MYO7A: variants seen among roughly 807,000 people sequenced by gnomAD.
MYO7A encodes the protein myosin VIIA.
In MYO7A, 210 loss-of-function variants were observed where a neutral mutation model predicts 263.8. The ratio of observed to expected loss-of-function variants is 0.80; its 90% CI spans 0.71 to 0.89. MYO7A has a LOEUF of 0.89. MYO7A is among the 40% of genes least tolerant of loss of function. The pLI is 0.00. For synonymous variants in MYO7A, 1,239 were observed against 1,197.3 expected (o/e 1.03, Z -0.72); for missense variants, 2,820 against 2,968.3 (o/e 0.95, Z 1.16).
intron 41 of MYO7A, 57 bp from the exon 42 acceptor site, chr11:77,207,232 G>A (rs1222291345): frequency 7.7e-7 from 1 of 1,304,742 alleles, no homozygotes; most frequent in Non-Finnish European, 1.1e-6. Flanking sequence ...AGGGGCCCGG[G>A]AGGACCAGGT....
intron 15 of MYO7A, among the ~76,000 whole-genome samples, chr11:77,166,961 G>C (rs1953606329): frequency 6.6e-6 from 1 of 152,114 alleles, no homozygotes; most frequent in Non-Finnish European, 1.5e-5. Flanking sequence ...TATTCATCGG[G>C]TACTCTGCGC....
rs1203556727 is a variant in MYO7A at position 77,198,496 on chromosome 11, C to T, written c.4443C>T (p.Gly1481=). 3 of 1,613,434 alleles carry T rather than the reference C, an allele frequency of 1.9e-6. No individual in the cohort carries two copies. The highest frequency in any genetic ancestry group is 2.2e-5 in the East Asian group (1 of 44,898). Residue 1481 remains glycine, a splice_region_variant and synonymous_variant, in exon 34 of 49, where the codon GGC becomes GGT. Coordinates refer to ENST00000409709, the MANE Select transcript of MYO7A (RefSeq NM_000260.4). ...CTCAGTGCCTTGGTCTCGTCCCAGG[C>T]CCCAGTCTCCCCAAGAACGACGTCA... ...SRFYEAYKFS[G]PSLPKNDVIV... is the part of the protein sequence containing the mutation.
intron 44 of MYO7A, 139 bp from the exon 45 acceptor site, chr11:77,211,013 C>T: frequency 1.3e-6 from 1 of 746,928 alleles, no homozygotes; most frequent in Non-Finnish European, 2.1e-6. Flanking sequence ...GGAGCAGTGT[C>T]AGCTGAGGCT....
intron 4 of MYO7A, among the ~76,000 whole-genome samples, chr11:77,151,431 T>C (rs1555057102): frequency 6.6e-6 from 1 of 152,162 alleles, no homozygotes; most frequent in Admixed American, 6.5e-5. Flanking sequence ...GGATGTGTTC[T>C]TGGTCTCCAT....
intron 3 of MYO7A, among the ~76,000 whole-genome samples, chr11:77,145,251 GCA>G (rs1163022720): frequency 6.6e-6 from 1 of 152,214 alleles, no homozygotes; most frequent in African/African-American, 2.4e-5. Context: ...CCAAGCAGCA[GCA>G]CTCTACAGAC....
rs367582237 is a variant in MYO7A, at chr11:77,162,181, G to A, written c.1405G>A (p.Val469Met). ...EHLQQFFVRH[V>M]FKLEQEEYDL... ...CCTGCAGCAGTTCTTTGTGCGGCACGTGTTCAAGCTGGAGCAGGAGGAATA... is the reference window on the plus strand; with the variant it reads ...CCTGCAGCAGTTCTTTGTGCGGCACATGTTCAAGCTGGAGCAGGAGGAATA... The change falls in exon 13 of 49, where the codon GTG (valine) becomes ATG (methionine). Residue 469 changes from valine (V) to methionine (M), a missense_variant. Physicochemically the swap from Val to Met is conservative, Grantham distance 21. Coordinates refer to ENST00000409709, the MANE Select transcript of MYO7A (RefSeq NM_000260.4). The A allele has an allele frequency of 4.4e-5, 71 of 1,601,114 alleles. No individual in the cohort carries two copies. Among genetic ancestry groups the A allele is most frequent in the African/African-American group, 1.1e-4 (8 of 74,874 alleles).
At chr11:77,147,577 C>T (rs1555054349) in intron 3 of MYO7A, among the ~76,000 whole-genome samples, 3 of 152,126 alleles carry the variant, frequency 2.0e-5, no homozygotes, top group South Asian at 2.1e-4. Flanking sequence ...CTTAGGTCTG[C>T]GGGAAAATCC....
intron 2 of MYO7A, among the ~76,000 whole-genome samples, chr11:77,141,350 G>T (rs1163919160): frequency 6.6e-6 from 1 of 152,144 alleles, no homozygotes; most frequent in Admixed American, 6.5e-5. Context: ...CCCAAGGCCG[G>T]GTAGGGCCTG....
At chr11:77,165,395 G>C (rs1355834790) in intron 14 of MYO7A, among the ~76,000 whole-genome samples, 2 of 152,198 alleles carry the variant, frequency 1.3e-5, no homozygotes, top group South Asian at 2.1e-4. Context: ...TCTGGGGTCT[G>C]TGTGGTGCAG....
At chr11:77,141,260 A>G (rs1208520223) in intron 2 of MYO7A, among the ~76,000 whole-genome samples, 1 of 152,180 alleles carries the variant, frequency 6.6e-6, no homozygotes, top group Non-Finnish European at 1.5e-5. Context: ...CTGAAACAGT[A>G]ATGAGTTGGT....
chr11:77,130,765 T>A, intron 2 of MYO7A, 113 bp downstream of exon 2: 1 of 1,255,636 alleles, frequency 8.0e-7, no homozygotes, highest in African/African-American at 1.5e-5. Context: ...AATTCCTGCC[T>A]AGGCTTCCAA....
At chr11:77,151,277 G>A (rs573996497) in intron 4 of MYO7A, among the ~76,000 whole-genome samples, 2 of 152,374 alleles carry the variant, frequency 1.3e-5, no homozygotes, top group Non-Finnish European at 2.9e-5. Context: ...GCCCTGATCT[G>A]GGAGGTGGGA....
chr11:77,191,221 G>A (rs1591419785), intron 30 of MYO7A: 1 of 174,122 alleles, frequency 5.7e-6, no homozygotes, highest in East Asian at 1.5e-4. Flanking sequence ...TCGGGAGGCT[G>A]AGGTAGGAGA....
At chr11:77,192,933 T>TGG (rs1956240678) in intron 31 of MYO7A, among the ~76,000 whole-genome samples, 4 of 3,396 alleles carry the variant, frequency 1.2e-3, no homozygotes, top group African/African-American at 4.4e-3. Context: ...ATGGTGTTGT[T>TGG]TGTGATGGTG....
At chr11:77,135,946 C>T (rs1424893906) in intron 2 of MYO7A, among the ~76,000 whole-genome samples, 1 of 152,200 alleles carries the variant, frequency 6.6e-6, no homozygotes, top group Non-Finnish European at 1.5e-5. Flanking sequence ...GAGACACAGT[C>T]TCACTCTGTC....
intron 2 of MYO7A, among the ~76,000 whole-genome samples, chr11:77,136,169 C>A (rs1277963864): frequency 6.6e-6 from 1 of 152,174 alleles, no homozygotes; most frequent in Non-Finnish European, 1.5e-5. Flanking sequence ...ATATAGAATT[C>A]TTTCTTGACA....
chr11:77,186,111 C>T (rs937641843), intron 27 of MYO7A, among the ~76,000 whole-genome samples: 1 of 97,992 alleles, frequency 1.0e-5, no homozygotes, highest in African/African-American at 5.4e-5. Context: ...TTAGTAGAGA[C>T]GGGGTTTCAC....
rs546777854 is a variant in MYO7A, at chr11:77,205,716, G to A, written c.5636+99G>A. ...CCTTGGGGATGAGGACCACATAGCA[G>A]TTGGGCCCACCCCTGGGGTACCTCA... is the stretch of plus-strand genomic sequence containing the variant. On this transcript the variant is annotated intron_variant, in intron 40 of 48. Coordinates refer to ENST00000409709, the MANE Select transcript of MYO7A (RefSeq NM_000260.4). 282 of 1,503,186 alleles carry A rather than the reference G, an allele frequency of 1.9e-4. 2 individuals are homozygous for A. The African/African-American group carries it at 3.2e-3, about 17-fold the overall frequency. The allele number at this position is 1,503,186 out of a possible 1,614,324, so 93.1% of individuals were successfully genotyped here.
At chr11:77,137,033 G>T (rs1388650960) in intron 2 of MYO7A, among the ~76,000 whole-genome samples, 1 of 152,186 alleles carries the variant, frequency 6.6e-6, no homozygotes, top group Non-Finnish European at 1.5e-5. Context: ...GTGGTAGAAT[G>T]CCTGGAAGCT....
Sources: gnomAD v4.1 joint callset for allele counts (sites outside exome capture counted in the v4.1 genomes callset) on GRCh38, gnomAD v4.1.1 for gene constraint, MANE v1.5 for transcripts, NCBI Gene and HGNC (gene_info 2026-07-23, HGNC 2026-07-21) for gene names.